Variants in NDOR1 observed in about 807,000 individuals in gnomAD.
NDOR1 encodes the protein NADPH-dependent diflavin oxidoreductase 1.
Under a neutral mutation model 67.2 loss-of-function variants are expected in NDOR1, and 61 were observed. That is an observed-to-expected ratio of 0.91 (90% CI 0.74 to 1.12). NDOR1 has a LOEUF of 1.12. NDOR1 is among the 50% of genes most tolerant of loss of function. The probability of loss-of-function intolerance (pLI) is 0.00; values close to 1 mark genes in which losing one functional copy is unlikely to be tolerated. For synonymous variants in NDOR1, 378 were observed against 343.7 expected (o/e 1.10, Z -1.10); for missense variants, 878 against 802.8 (o/e 1.09, Z -1.13).
intron 10 of NDOR1, 66 bp from the exon 11 acceptor site, chr9:137,215,593 G>A: frequency 6.2e-7 from 1 of 1,606,548 alleles, no homozygotes. Flanking sequence ...CAAATGCTGG[G>A]CTAGGGCCCC....
chr9:137,210,373 C>T (rs1835195299), intron 2 of NDOR1, among the ~76,000 whole-genome samples: 1 of 151,954 alleles, frequency 6.6e-6, no homozygotes, highest in Non-Finnish European at 1.5e-5. Context: ...CAGGTGCGCA[C>T]CACCACATGC....
At chr9:137,207,516 C>T (rs568155074) in intron 2 of NDOR1, among the ~76,000 whole-genome samples, 9 of 152,106 alleles carry the variant, frequency 5.9e-5, no homozygotes, top group African/African-American at 2.2e-4. Context: ...AGCCACAATA[C>T]AGAAGTGTGA....
chr9:137,214,705 C>T lies in NDOR1; in HGVS notation c.844+14C>T, dbSNP rs373665814. ...CGCGGGAGCCAGGTGAGCCCAGCCT[C>T]GGCCACCCTGACTCTCTGCCCTCTC... On this transcript the variant is annotated intron_variant, in intron 7 of 13. Coordinates refer to ENST00000684003, the MANE Select transcript of NDOR1 (RefSeq NM_014434.4). 1.2e-5 allele frequency: 19 copies of T among 1,600,870 alleles called. No homozygotes were observed. The highest frequency in any genetic ancestry group is 1.1e-4 in the East Asian group (5 of 44,888).
At position 137,218,922 on chromosome 9, in the gene NDOR1, G is replaced by A. The variant is rs1248699979; in HGVS notation, c.*2506G>A. On this transcript the variant is annotated 3_prime_UTR_variant, in exon 14 of 14. Transcript: ENST00000684003. Reference sequence around the variant, plus strand: ...GCAGGACCCCATTCACCCTGCGGCAGACGGGCACCGTACTGGCCACGGGCT... The same window carrying A: ...GCAGGACCCCATTCACCCTGCGGCAAACGGGCACCGTACTGGCCACGGGCT... 6.4e-6 allele frequency: 2 copies of A among 311,938 alleles called. No individual in the cohort carries two copies. Among genetic ancestry groups the A allele is most frequent in the Non-Finnish European group, 1.2e-5 (2 of 170,832 alleles). 19.3% of individuals were successfully genotyped at this position (311,938 alleles called of 1,614,324 possible). A position where few individuals can be genotyped will look rare whatever the true frequency, so the allele number is the denominator to read the frequency against.
In NDOR1 at chr9:137,212,189, T is replaced by C. The variant is rs1475398993; in HGVS notation, c.214-313T>C. On this transcript the variant is annotated intron_variant, in intron 2 of 13. Coordinates refer to ENST00000684003, the MANE Select transcript of NDOR1 (RefSeq NM_014434.4). This position sits in a 1 kb window ranked among gnomAD's most constrained non-coding sequence, Gnocchi z 4.3. ...CAAGTGCAGAGCTGCTCCTGGCAGC[T>C]CAGAGCCTGGGGCAGAGGAGGGTGA... is the stretch of plus-strand genomic sequence containing the variant. 1.3e-5 allele frequency among the ~76,000 whole-genome samples: 2 copies of C among 151,834 alleles called. No homozygotes were observed. Among genetic ancestry groups the C allele is most frequent in the Non-Finnish European group, 2.9e-5 (2 of 67,960 alleles).
chr9:137,213,699 C>T, intron 3 of NDOR1, 81 bp from the exon 4 acceptor site: 1 of 1,393,910 alleles, frequency 7.2e-7, no homozygotes, highest in Non-Finnish European at 9.9e-7. Flanking sequence ...CGCCCGGGCT[C>T]CACTCTCCCG....
intron 2 of NDOR1, among the ~76,000 whole-genome samples, chr9:137,208,616 C>T (rs1465768507): frequency 2.0e-5 from 3 of 152,024 alleles, no homozygotes; most frequent in African/African-American, 4.8e-5. Context: ...GTGGGAGGAT[C>T]GCTTGAGCCC....
intron 2 of NDOR1, among the ~76,000 whole-genome samples, chr9:137,209,810 C>T (rs557391310): frequency 1.2e-3 from 189 of 152,322 alleles, no homozygotes; most frequent in Middle Eastern, 0.01. Flanking sequence ...ACCCATGGGG[C>T]GCTGGGCGCG....
At chr9:137,213,913 C>T in intron 4 of NDOR1, 35 bp downstream of exon 4, 1 of 1,595,728 alleles carries the variant, frequency 6.3e-7, no homozygotes, top group South Asian at 1.1e-5. Context: ...CCTCCACAGT[C>T]TGGTCTGGCC....
chr9:137,213,696 G>C (rs1288469905), intron 3 of NDOR1, 84 bp from the exon 4 acceptor site: 5 of 1,363,730 alleles, frequency 3.7e-6, no homozygotes, highest in Non-Finnish European at 5.1e-6. Context: ...CTTCGCCCGG[G>C]CTCCACTCTC....
In NDOR1 at chr9:137,215,422, C is replaced by T; in HGVS notation, c.1189C>T (p.Leu397=). 2.5e-6 allele frequency: 4 copies of T among 1,613,312 alleles called. No homozygotes were observed. In the African/African-American group the frequency reaches 5.3e-5, roughly 22 times the overall value. The change falls in exon 10 of 14, where the codon CTG becomes TTG. Residue 397 remains leucine (L), a synonymous_variant. Transcript: ENST00000684003. ...TCCTCCCCAGACTCACCCCTCACGG[C>T]TGCAGATCCTCGTGGCTGTAGTGCA... The part of the protein sequence containing the change: ...ASSLLTHPSR[L]QILVAVVQFQ...
intron 2 of NDOR1, among the ~76,000 whole-genome samples, chr9:137,211,938 C>G (rs1325550130): frequency 6.6e-6 from 1 of 152,094 alleles, no homozygotes; most frequent in Non-Finnish European, 1.5e-5. Context: ...ACCAGAGGAT[C>G]TGGACCCTGT....
chr9:137,211,827 C>T (rs533087821), intron 2 of NDOR1, among the ~76,000 whole-genome samples: 12 of 151,658 alleles, frequency 7.9e-5, no homozygotes, highest in Admixed American at 3.9e-4. Flanking sequence ...GCGAAGACCA[C>T]GCACACAGGC....
In NDOR1 at chr9:137,206,050, T is replaced by C. The variant is rs993072607; in HGVS notation, c.135+138T>C. The C allele has an allele frequency of 6.8e-6, 10 of 1,479,752 alleles. No individual in the cohort carries two copies. The East Asian group carries it at 2.1e-4, about 31-fold the overall frequency. The allele number at this position is 1,479,752 out of a possible 1,614,324, so 91.7% of individuals were successfully genotyped here. On this transcript the variant is annotated intron_variant, in intron 1 of 13. Transcript: ENST00000684003. ...TATGGCGGATTTAGGGAAGGAGGTT[T>C]GGGAAGGGGAGTTCAGTTTAGCACC...
chr9:137,214,699 C>T lies in NDOR1; in HGVS notation c.844+8C>T, dbSNP rs757031024. 14 of 1,601,334 alleles carry T rather than the reference C, an allele frequency of 8.7e-6. No individual in the cohort carries two copies. Among genetic ancestry groups the T allele is most frequent in the Non-Finnish European group, 1.2e-5 (14 of 1,179,642 alleles). ...TGCAGCCGCGGGAGCCAGGTGAGCC[C>T]AGCCTCGGCCACCCTGACTCTCTGC... On this transcript the variant is annotated splice_region_variant and intron_variant, in intron 7 of 13. Coordinates refer to ENST00000684003, the MANE Select transcript of NDOR1 (RefSeq NM_014434.4).
At position 137,218,048 on chromosome 9, in the gene NDOR1, G is replaced by A. The variant is rs1190336037; in HGVS notation, c.*1632G>A. 6 of 399,470 alleles carry A rather than the reference G, an allele frequency of 1.5e-5. No individual in the cohort carries two copies. Among genetic ancestry groups the A allele is most frequent in the Non-Finnish European group, 2.6e-5 (6 of 226,728 alleles). The allele number at this position is 399,470 out of a possible 1,614,324, so 24.7% of individuals were successfully genotyped here. A position where few individuals can be genotyped will look rare whatever the true frequency, so the allele number is the denominator to read the frequency against. On this transcript the variant is annotated 3_prime_UTR_variant, in exon 14 of 14. Coordinates refer to ENST00000684003, the MANE Select transcript of NDOR1 (RefSeq NM_014434.4). The stretch of plus-strand genomic sequence containing the variant: ...CTGGAAGGAGGAGGGGAGAGAGCAG[G>A]CAGCAGGGCAGGGGGAAGAGGAGGA...
At chr9:137,208,319 C>T (rs1041446342) in intron 2 of NDOR1, among the ~76,000 whole-genome samples, 3 of 146,828 alleles carry the variant, frequency 2.0e-5, no homozygotes, top group Non-Finnish European at 4.5e-5. Flanking sequence ...GATGTGGTGG[C>T]GGGCACCTGT....
Position 137,212,503 on chromosome 9 carries a change from A to C in NDOR1, c.215A>C (p.Asn72Thr), listed in dbSNP as rs1403767421. 1 of 1,613,764 alleles carries C rather than the reference A, an allele frequency of 6.2e-7. No individual in the cohort carries two copies. The highest frequency in any genetic ancestry group is 8.5e-7 in the Non-Finnish European group (1 of 1,179,850). Residue 72 changes from asparagine to threonine, a missense_variant and splice_region_variant, in exon 3 of 14, where the codon AAC becomes ACC. By Grantham distance (65) the Asn-to-Thr change is moderately conservative (BLOSUM62 0). Coordinates refer to ENST00000684003, the MANE Select transcript of NDOR1 (RefSeq NM_014434.4). The surrounding 1 kb of genome is among the most constrained non-coding windows in gnomAD (Gnocchi z 4.3). ...GQGDPPDNMKNFWRFIFRKNL... is the reference protein window; with the variant it reads ...GQGDPPDNMKTFWRFIFRKNL... The stretch of plus-strand genomic sequence containing the variant: ...ACTCAGAGTTTCCTCCGGCTGTAGA[A>C]CTTCTGGAGGTTTATATTCCGGAAG...
rs1196442437 is a variant in NDOR1 at position 137,216,094 on chromosome 9, G to T, written c.1555G>T (p.Glu519Ter). ...CCCAGCCCTGTTCTCTGCCCTACAG[G>T]AGCAGAAAGTATATGTGCAGCACCG... is the stretch of plus-strand genomic sequence containing the variant. Reference protein sequence around the residue: ...TLIPAFSREQEQKVYVQHRLR... With the variant: ...TLIPAFSREQ The change falls in exon 13 of 14, where the codon GAG becomes TAG. Residue 519 changes from glutamate (E) to a stop codon, truncating the protein, a stop_gained and splice_region_variant. Coordinates refer to ENST00000684003, the MANE Select transcript of NDOR1 (RefSeq NM_014434.4). LOFTEE classifies it high-confidence loss of function. The T allele has an allele frequency of 6.2e-7, 1 of 1,613,480 alleles. No individual in the cohort carries two copies. Among genetic ancestry groups the T allele is most frequent in the African/African-American group, 1.3e-5 (1 of 75,050 alleles).
Sources: allele counts gnomAD v4.1 joint callset (sites outside exome capture counted in the v4.1 genomes callset), GRCh38; gene constraint gnomAD v4.1.1; non-coding constraint Gnocchi (gnomAD v3.1); transcripts MANE v1.5; gene names NCBI Gene and HGNC (gene_info 2026-07-23, HGNC 2026-07-21).